The following CNTN4 variants were observed in gnomAD, a reference collection of about 807,000 sequenced individuals.
CNTN4 encodes the protein contactin-4.
CNTN4 carries 77 observed loss-of-function variants against 122.5 expected under a neutral mutation model. That is an observed-to-expected ratio of 0.63 (90% CI 0.52 to 0.76). The LOEUF (loss-of-function observed/expected upper bound fraction) is 0.76, where lower values mean the gene tolerates loss of function less well. Ranked by LOEUF, CNTN4 falls within the 30% of genes least tolerant of loss-of-function variation. The pLI, the probability that CNTN4 is intolerant of heterozygous loss-of-function variation, is 0.00. For synonymous variants in CNTN4, 512 were observed against 447.0 expected (o/e 1.15, Z -1.83); for missense variants, 1,256 against 1,259.1 (o/e 1.00, Z 0.04).
At chr3:2,658,228 G>A (rs1221293230) in intron 4 of CNTN4, among the ~76,000 whole-genome samples, 6 of 151,658 alleles carry the variant, frequency 4.0e-5, no homozygotes, top group Admixed American at 3.9e-4. Context: ...TGGAACCTGG[G>A]ATTCGGCAGG....
At chr3:2,889,497 G>A (rs1196242267) in intron 10 of CNTN4, among the ~76,000 whole-genome samples, 2 of 152,132 alleles carry the variant, frequency 1.3e-5, no homozygotes, top group African/African-American at 4.8e-5. Flanking sequence ...TCATGAGACT[G>A]TAAATTACAG....
intron 10 of CNTN4, among the ~76,000 whole-genome samples, chr3:2,898,845 T>A (rs1459374471): frequency 6.6e-6 from 1 of 152,188 alleles, no homozygotes; most frequent in African/African-American, 2.4e-5. Flanking sequence ...ATTCAGCAGG[T>A]TGAATGTGAA....
At chr3:2,280,108 A>C (rs1337063312) in intron 2 of CNTN4, among the ~76,000 whole-genome samples, 5 of 151,348 alleles carry the variant, frequency 3.3e-5, no homozygotes, top group African/African-American at 9.7e-5. Context: ...CAGACCATTC[A>C]ACATGCATTT....
intron 2 of CNTN4, among the ~76,000 whole-genome samples, chr3:2,125,330 C>CTCTCTGTGTGTG (rs138301374): frequency 4.2e-4 from 60 of 143,472 alleles, no homozygotes; most frequent in African/African-American, 1.5e-3. Flanking sequence ...ATTCTATTCT[C>CTCTCTGTGTGTG]TGTGTGTGTG....
At chr3:2,219,020 C>T (rs184098643) in intron 2 of CNTN4, among the ~76,000 whole-genome samples, 7 of 152,256 alleles carry the variant, frequency 4.6e-5, no homozygotes, top group Admixed American at 3.3e-4. Context: ...GGCTCAGCTT[C>T]CCCCTAGGAT....
chr3:3,035,989 T>C (rs548742727), intron 17 of CNTN4, among the ~76,000 whole-genome samples: 3 of 152,238 alleles, frequency 2.0e-5, no homozygotes, highest in African/African-American at 7.2e-5. Context: ...ATTACATGTA[T>C]ACAGCACTTC....
intron 3 of CNTN4, among the ~76,000 whole-genome samples, chr3:2,536,079 T>G (rs967600583): frequency 6.6e-6 from 1 of 152,144 alleles, no homozygotes; most frequent in African/African-American, 2.4e-5. Context: ...CATGTTGCAT[T>G]TAAAACCTCA....
At chr3:2,186,848 T>A (rs2037293980) in intron 2 of CNTN4, among the ~76,000 whole-genome samples, 1 of 152,356 alleles carries the variant, frequency 6.6e-6, no homozygotes, top group East Asian at 1.9e-4. Context: ...ATGAGTAGAT[T>A]GCAAAATTTT....
chr3:2,481,033 T>TTTTTCTTTCTTTC (rs2075979193), intron 3 of CNTN4, among the ~76,000 whole-genome samples: 1 of 120,078 alleles, frequency 8.3e-6, no homozygotes, highest in African/African-American at 3.5e-5. Flanking sequence ...TTTCTTTTTC[T>TTTTTCTTTCTTTC]TTTCTTTCTT....
At chr3:2,135,128 G>A (rs2034627069) in intron 2 of CNTN4, among the ~76,000 whole-genome samples, 1 of 151,940 alleles carries the variant, frequency 6.6e-6, no homozygotes, top group Admixed American at 6.6e-5. Context: ...ATATTCTAGG[G>A]GCCAGCATTG....
At chr3:2,219,116 A>G (rs1365414857) in intron 2 of CNTN4, among the ~76,000 whole-genome samples, 2 of 152,204 alleles carry the variant, frequency 1.3e-5, no homozygotes, top group African/African-American at 4.8e-5. Context: ...GCTTAGATTC[A>G]TAGAAATGGT....
intron 13 of CNTN4, chr3:2,927,326 G>T (rs1030811211): frequency 4.4e-6 from 2 of 455,950 alleles, no homozygotes; most frequent in African/African-American, 4.0e-5. Flanking sequence ...TAGTGGCTCT[G>T]CTCCTCTCTA....
chr3:2,489,119 A>T (rs533024426), intron 3 of CNTN4, among the ~76,000 whole-genome samples: 4 of 152,074 alleles, frequency 2.6e-5, no homozygotes, highest in Non-Finnish European at 5.9e-5. Flanking sequence ...GTATTGACTC[A>T]GTTTACTTTT....
At chr3:2,519,649 C>T (rs2077141953) in intron 3 of CNTN4, among the ~76,000 whole-genome samples, 1 of 152,202 alleles carries the variant, frequency 6.6e-6, no homozygotes, top group Admixed American at 6.5e-5. Flanking sequence ...ATAGGGAGTC[C>T]ACAGGGTCTG....
intron 2 of CNTN4, among the ~76,000 whole-genome samples, chr3:2,163,507 C>G (rs910895244): frequency 3.9e-5 from 6 of 151,936 alleles, no homozygotes. Context: ...TAAATGAGAC[C>G]TAATTAAACT....
rs938576388 is a variant in CNTN4, at chr3:2,531,407, G to A, written c.-88-40009G>A. Among the ~76,000 whole-genome samples the A allele has an allele frequency of 3.9e-5, 6 of 152,244 alleles. No individual in the cohort carries two copies. The South Asian group carries it at 1.2e-3, about 32-fold the overall frequency. On this transcript the variant is annotated intron_variant, in intron 3 of 24. Transcript: ENST00000418658. ...AGTCTAGTCAAAGAGAAGTTTGGAG[G>A]AACAAATGAGGGACCTTCTCCATCT...
intron 6 of CNTN4, among the ~76,000 whole-genome samples, chr3:2,757,332 G>C (rs533363294): frequency 1.3e-5 from 2 of 152,116 alleles, no homozygotes; most frequent in East Asian, 3.9e-4. Context: ...TTTCTCCATA[G>C]GGCAATGATT....
chr3:2,956,544 A>C (rs574351419), intron 13 of CNTN4, among the ~76,000 whole-genome samples: 2 of 152,282 alleles, frequency 1.3e-5, no homozygotes, highest in South Asian at 4.1e-4. Context: ...AAGTTAATAA[A>C]TGATGGGAAT....
intron 4 of CNTN4, among the ~76,000 whole-genome samples, chr3:2,730,274 T>G (rs2088586054): frequency 6.6e-6 from 1 of 152,174 alleles, no homozygotes; most frequent in African/African-American, 2.4e-5. Context: ...ATGTTTTAAA[T>G]AATTTTGTGC....
Sources: gnomAD v4.1 joint callset for allele counts (sites outside exome capture counted in the v4.1 genomes callset) on GRCh38, gnomAD v4.1.1 for gene constraint, MANE v1.5 for transcripts, NCBI Gene and HGNC (gene_info 2026-07-23, HGNC 2026-07-21) for gene names.